The following TBC1D32 variants were observed in gnomAD, a reference collection of about 807,000 sequenced individuals.
TBC1D32 encodes TBC1 domain family member 32.
Under a neutral mutation model 170.3 loss-of-function variants are expected in TBC1D32, and 151 were observed. That is an observed-to-expected ratio of 0.89 (90% CI 0.78 to 1.01). The LOEUF (loss-of-function observed/expected upper bound fraction) is 1.01, where lower values mean the gene tolerates loss of function less well. Ranked by LOEUF, TBC1D32 falls within the 50% of genes least tolerant of loss-of-function variation. TBC1D32 has a pLI of 0.00. For synonymous variants in TBC1D32, 498 were observed against 488.0 expected (o/e 1.02, Z -0.27); for missense variants, 1,464 against 1,457.1 (o/e 1.00, Z -0.08).
chr6:121,246,247 C>T (rs930767131), intron 17 of TBC1D32, among the ~76,000 whole-genome samples: 1 of 152,142 alleles, frequency 6.6e-6, no homozygotes, highest in African/African-American at 2.4e-5. Context: ...CAACTGGCAT[C>T]TGGGAAAGAC....
chr6:121,171,662 T>C lies in TBC1D32; in HGVS notation c.2571-10606A>G, dbSNP rs142476996. ...TGCCTTAAAGTACTTAAGAAAAAAA[T>C]GTATGTGGAGGGAGGGAGATGAAAC... On this transcript the variant is annotated intron_variant, in intron 22 of 31. Transcript: ENST00000398212. 3.0e-3 allele frequency among the ~76,000 whole-genome samples: 450 copies of C among 151,984 alleles called. 4 individuals are homozygous for C. Among genetic ancestry groups the C allele is most frequent in the African/African-American group, 0.011 (443 of 41,462 alleles).
At chr6:121,316,486 G>T (rs1379193130) in intron 3 of TBC1D32, among the ~76,000 whole-genome samples, 1 of 152,014 alleles carries the variant, frequency 6.6e-6, no homozygotes, top group African/African-American at 2.4e-5. Flanking sequence ...TTTCCACACA[G>T]TTCCTCAGCA....
chr6:121,214,367 G>T (rs1192933521), intron 21 of TBC1D32, among the ~76,000 whole-genome samples: 1 of 152,156 alleles, frequency 6.6e-6, no homozygotes, highest in Admixed American at 6.5e-5. Context: ...CTCAGCTCAT[G>T]CTACCAACCC....
At chr6:121,148,676 C>T (rs116901643) in intron 24 of TBC1D32, among the ~76,000 whole-genome samples, 3,770 of 152,156 alleles carry the variant, frequency 0.025, 168 homozygotes, top group East Asian at 0.13. Flanking sequence ...TATAGTGGCA[C>T]TATCTCAGCT....
At chr6:121,304,123 A>G (rs1157617663) in intron 8 of TBC1D32, among the ~76,000 whole-genome samples, 1 of 151,996 alleles carries the variant, frequency 6.6e-6, no homozygotes, top group African/African-American at 2.4e-5. Flanking sequence ...AAAAAAAAAA[A>G]AAACTAATGC....
rs1021716500 is a variant in TBC1D32, at chr6:121,201,209, T to C, written c.2570+3866A>G. 3.4e-5 allele frequency among the ~76,000 whole-genome samples: 5 copies of C among 148,426 alleles called. 1 individual carries two copies. Among genetic ancestry groups the C allele is most frequent in the African/African-American group, 1.3e-4 (5 of 39,860 alleles). ...AGAATACGTATTCAATAAATACTGGTTGAGTAAATATAGAAGAGTACATTT... is the reference window on the plus strand; with the variant it reads ...AGAATACGTATTCAATAAATACTGGCTGAGTAAATATAGAAGAGTACATTT... On this transcript the variant is annotated intron_variant, in intron 22 of 31. Coordinates refer to ENST00000398212, the MANE Select transcript of TBC1D32 (RefSeq NM_152730.6).
chr6:121,330,136 A>G (rs1472440688), intron 1 of TBC1D32, among the ~76,000 whole-genome samples: 1 of 152,090 alleles, frequency 6.6e-6, no homozygotes, highest in Non-Finnish European at 1.5e-5. Context: ...TGGGCACAAG[A>G]GATCCTCCCA....
At chr6:121,330,450 A>G (rs9320806) in intron 1 of TBC1D32, among the ~76,000 whole-genome samples, 97,934 of 152,098 alleles carry the variant, frequency 0.64, 37,034 homozygotes, top group Non-Finnish European at 0.85. Context: ...AAATATTACT[A>G]TGGTCCCTCT....
At chr6:121,096,875 G>C (rs138813256) in intron 30 of TBC1D32, among the ~76,000 whole-genome samples, 7,798 of 152,042 alleles carry the variant, frequency 0.051, 231 homozygotes, top group African/African-American at 0.079. Context: ...CAGAACAGAG[G>C]CCTCAGAAAT....
In TBC1D32 at chr6:121,302,692, A is replaced by G. The variant is rs138762523; in HGVS notation, c.1080+925T>C. On this transcript the variant is annotated intron_variant, in intron 9 of 31. Coordinates refer to ENST00000398212, the MANE Select transcript of TBC1D32 (RefSeq NM_152730.6). ...ACATATTTTGCATATTTTCTCAAAT[A>G]ATGATATAATTTGATAATCAAGAAA... Among the ~76,000 whole-genome samples the G allele has an allele frequency of 2.1e-3, 315 of 152,256 alleles. 1 individual carries two copies. Among genetic ancestry groups the G allele is most frequent in the African/African-American group, 7.3e-3 (303 of 41,564 alleles).
chr6:121,150,711 T>C (rs906668873), intron 24 of TBC1D32, among the ~76,000 whole-genome samples: 2 of 152,204 alleles, frequency 1.3e-5, no homozygotes, highest in African/African-American at 4.8e-5. Flanking sequence ...AGGATTCAAC[T>C]TCTTCCTGGT....
At chr6:121,288,488 C>A (rs184435767) in intron 12 of TBC1D32, among the ~76,000 whole-genome samples, 1,722 of 152,196 alleles carry the variant, frequency 0.011, 7 homozygotes, top group Middle Eastern at 0.031. Context: ...CAATAACAGG[C>A]TCTGAAATTC....
At chr6:121,253,718 C>CA (rs1229696036) in intron 17 of TBC1D32, among the ~76,000 whole-genome samples, 69 of 146,222 alleles carry the variant, frequency 4.7e-4, no homozygotes, top group East Asian at 1.0e-3. Context: ...GATTCCGTCT[C>CA]AAAAAAAAAA....
At chr6:121,192,264 A>G (rs1363925225) in intron 22 of TBC1D32, 2 of 151,986 alleles carry the variant, frequency 1.3e-5, no homozygotes, top group Non-Finnish European at 2.9e-5. Flanking sequence ...TATGGAGAAC[A>G]CTGATATTCC....
At chr6:121,210,223 C>T (rs1016642098) in intron 21 of TBC1D32, among the ~76,000 whole-genome samples, 1 of 152,002 alleles carries the variant, frequency 6.6e-6, no homozygotes, top group Non-Finnish European at 1.5e-5. Flanking sequence ...AATAGAAAAA[C>T]AGGCAAAAAT....
chr6:121,178,936 A>G (rs1788147290), intron 22 of TBC1D32, among the ~76,000 whole-genome samples: 1 of 152,206 alleles, frequency 6.6e-6, no homozygotes, highest in Non-Finnish European at 1.5e-5. Flanking sequence ...CCACGGCCAC[A>G]GCCAACATCT....
Position 121,112,554 on chromosome 6 carries a change from G to C in TBC1D32, c.3275C>G (p.Ser1092Cys). ...AAGAAAAGCAGAAGTCAGAAGCCTG[G>C]AGAATTGATGAAGAAATTGGAATGT... ...EKTFQFLHQF[S>C]RLLTSAFLWL... is the part of the protein sequence containing the mutation. The change falls in exon 29 of 32, where the codon TCC becomes TGC. Residue 1092 changes from serine to cysteine, a missense_variant. Around this residue, in one of 3 missense-constraint regions of TBC1D32, gnomAD observed 1,363 missense variants for 1,338.1 expected, o/e 1.02. Transcript: ENST00000398212. 1 of 1,610,952 alleles carries C rather than the reference G, an allele frequency of 6.2e-7. No individual in the cohort carries two copies. Among genetic ancestry groups the C allele is most frequent in the Non-Finnish European group, 8.5e-7 (1 of 1,178,116 alleles).
At chr6:121,240,357 A>ATT (rs35946120) in intron 19 of TBC1D32, among the ~76,000 whole-genome samples, 2,195 of 75,238 alleles carry the variant, frequency 0.029, 230 homozygotes, top group African/African-American at 0.11. Context: ...GTTTAGGACA[A>ATT]TTTTTTTTTT....
intron 26 of TBC1D32, among the ~76,000 whole-genome samples, chr6:121,125,583 G>A (rs751056096): frequency 1.5e-4 from 23 of 152,040 alleles, no homozygotes; most frequent in Non-Finnish European, 2.8e-4. Context: ...CTGATACTAC[G>A]CTCCTCAAGA....
Sources: allele counts gnomAD v4.1 joint callset (sites outside exome capture counted in the v4.1 genomes callset), GRCh38; gene constraint gnomAD v4.1.1; regional missense constraint gnomAD v4.1.1; transcripts MANE v1.5; gene names NCBI Gene and HGNC (gene_info 2026-07-23, HGNC 2026-07-21).